HPS4: variants seen among roughly 807,000 people sequenced by gnomAD.
HPS4 encodes the protein HPS4 biogenesis of lysosomal organelles complex 3 subunit 2.
HPS4 carries 44 observed loss-of-function variants against 70.3 expected under a neutral mutation model. That is an observed-to-expected ratio of 0.63 (90% CI 0.49 to 0.80). The LOEUF is 0.80. Ranked by LOEUF, HPS4 falls within the 30% of genes least tolerant of loss-of-function variation. HPS4 has a pLI of 0.00. For synonymous variants in HPS4, 377 were observed against 355.9 expected (o/e 1.06, Z -0.67); for missense variants, 873 against 884.4 (o/e 0.99, Z 0.16).
chr22:26,457,828 G>A, intron 13 of HPS4, 31 bp downstream of exon 13: 2 of 1,540,822 alleles, frequency 1.3e-6, no homozygotes, highest in Middle Eastern at 1.7e-4. Context: ...ACCGTGGAGA[G>A]TAGGTTGGGG....
In HPS4 at chr22:26,470,815, T is replaced by A. The variant is rs1396012729; in HGVS notation, c.502-2A>T. The A allele has an allele frequency of 1.2e-6, 2 of 1,614,090 alleles. No homozygotes were observed. The highest frequency in any genetic ancestry group is 1.7e-6 in the Non-Finnish European group (2 of 1,180,014). Reference sequence around the variant, plus strand: ...CTTCAGCAACAACAGGGGCTCCACCTGTGCAGGGCAAGAGGCATCATGCCC... The same window carrying A: ...CTTCAGCAACAACAGGGGCTCCACCAGTGCAGGGCAAGAGGCATCATGCCC... On this transcript the variant is annotated splice_acceptor_variant, in intron 6 of 13. Transcript: ENST00000398145. LOFTEE classifies it high-confidence loss of function.
In HPS4 at chr22:26,453,180, G is replaced by C. The variant is rs1341436760; in HGVS notation, c.*53C>G. The C allele has an allele frequency of 2.6e-6, 4 of 1,567,256 alleles. No individual in the cohort carries two copies. In the Admixed American group the frequency reaches 6.7e-5, roughly 26 times the overall value. On this transcript the variant is annotated 3_prime_UTR_variant, in exon 14 of 14. Transcript: ENST00000398145. ...TAGAGGGGCCTTTTCAATTATAAAAGGCAGAGCTTCCTTTGCTGGTTTTCT... is the reference window on the plus strand; with the variant it reads ...TAGAGGGGCCTTTTCAATTATAAAACGCAGAGCTTCCTTTGCTGGTTTTCT...
chr22:26,460,597 T>C (rs2087050365), intron 11 of HPS4, among the ~76,000 whole-genome samples: 1 of 152,226 alleles, frequency 6.6e-6, no homozygotes, highest in African/African-American at 2.4e-5. Context: ...CAAAATCTTC[T>C]GCCTAACTTG....
chr22:26,478,973 C>T (rs1306313970), intron 3 of HPS4, among the ~76,000 whole-genome samples: 1 of 152,092 alleles, frequency 6.6e-6, no homozygotes, highest in Non-Finnish European at 1.5e-5. Context: ...CATAAACTAC[C>T]GTGCCCAGCA....
intron 3 of HPS4, among the ~76,000 whole-genome samples, chr22:26,445,290 C>T (rs202178347): frequency 4.1e-4 from 62 of 152,074 alleles, no homozygotes; most frequent in African/African-American, 1.2e-3. Flanking sequence ...GCCTAGGTCG[C>T]GCCAGTGCAC....
chr22:26,460,352 C>T (rs1433460711), intron 11 of HPS4, among the ~76,000 whole-genome samples: 1 of 152,260 alleles, frequency 6.6e-6, no homozygotes, highest in East Asian at 1.9e-4. Context: ...GCGTTTAACA[C>T]TGAGCCTCTT....
At chr22:26,473,770 A>G (rs2146841080) in intron 4 of HPS4, among the ~76,000 whole-genome samples, 1 of 152,328 alleles carries the variant, frequency 6.6e-6, no homozygotes. Flanking sequence ...GCTGAGTTAG[A>G]AAGTTATCTG....
intron 7 of HPS4, among the ~76,000 whole-genome samples, chr22:26,470,477 A>C (rs1258577776): frequency 6.6e-6 from 1 of 152,218 alleles, no homozygotes; most frequent in Admixed American, 6.5e-5. Context: ...CATACTGAGA[A>C]TTATAGGGAC....
At chr22:26,483,037 C>T (rs1367050476) in intron 1 of HPS4, among the ~76,000 whole-genome samples, 1 of 152,188 alleles carries the variant, frequency 6.6e-6, no homozygotes, top group Non-Finnish European at 1.5e-5. Flanking sequence ...GTACACAATA[C>T]AGTTTGTTAA....
intron 12 of HPS4, 42 bp downstream of exon 12, chr22:26,458,403 T>TCTGG: frequency 6.2e-7 from 1 of 1,612,798 alleles, no homozygotes; most frequent in South Asian, 1.1e-5. Flanking sequence ...CCATCTAGAA[T>TCTGG]CTGGCATCCC....
At chr22:26,482,700 C>T (rs2091411919) in intron 1 of HPS4, 1 of 152,156 alleles carries the variant, frequency 6.6e-6, no homozygotes, top group African/African-American at 2.4e-5. Context: ...GGAAGGAACC[C>T]TGGCATCGTT....
At chr22:26,470,862 C>A in intron 6 of HPS4, 49 bp from the exon 7 acceptor site, 1 of 1,610,952 alleles carries the variant, frequency 6.2e-7, no homozygotes, top group South Asian at 1.1e-5. Flanking sequence ...TGCTCACAAT[C>A]AGGAAGGGAG....
chr22:26,464,488 T>A lies in HPS4; in HGVS notation c.1142A>T (p.Glu381Val). The A allele has an allele frequency of 1.9e-6, 3 of 1,614,234 alleles. No homozygotes were observed. Among genetic ancestry groups the A allele is most frequent in the Non-Finnish European group, 2.5e-6 (3 of 1,180,040 alleles). ...GAAGGCAAAATGACCTGAGGCCATTTCCACTTCCTGAGCCTCTGGAATGTG... is the reference window on the plus strand; with the variant it reads ...GAAGGCAAAATGACCTGAGGCCATTACCACTTCCTGAGCCTCTGGAATGTG... ...EIHIPEAQEVEMASGHFAFLH... is the reference protein window; with the variant it reads ...EIHIPEAQEVVMASGHFAFLH... Residue 381 changes from glutamate to valine, a missense_variant, in exon 11 of 14, where the codon GAA becomes GTA. Glu to Val is a moderately radical substitution (Grantham distance 121, BLOSUM62 -2). Coordinates refer to ENST00000398145, the MANE Select transcript of HPS4 (RefSeq NM_022081.6).
chr22:26,469,699 A>T (rs2089446422), intron 7 of HPS4, among the ~76,000 whole-genome samples: 1 of 59,470 alleles, frequency 1.7e-5, no homozygotes. Context: ...AAAAAAAAAA[A>T]AAGAAAAAAA....
At chr22:26,473,300 G>A (rs1315859507) in intron 4 of HPS4, among the ~76,000 whole-genome samples, 1 of 152,094 alleles carries the variant, frequency 6.6e-6, no homozygotes, top group Non-Finnish European at 1.5e-5. Flanking sequence ...CTGTTATTTG[G>A]ACAGTAGATG....
At chr22:26,465,591 G>A (rs764127239) in intron 9 of HPS4, 40 bp from the exon 10 acceptor site, 4 of 1,526,626 alleles carry the variant, frequency 2.6e-6, no homozygotes, top group Non-Finnish European at 3.6e-6. Flanking sequence ...TTTCCCCTGA[G>A]CCAGAGAGGG....
At chr22:26,471,064 C>A in intron 6 of HPS4, 1 of 647,410 alleles carries the variant, frequency 1.5e-6, no homozygotes, top group South Asian at 1.8e-5. Flanking sequence ...GAAGGTGCAG[C>A]AAATATGGCA....
chr22:26,465,538 G>C lies in HPS4; in HGVS notation c.720C>G (p.Pro240=). The change falls in exon 10 of 14, where the codon CCC becomes CCG. Residue 240 remains proline, a synonymous_variant. Transcript: ENST00000398145. ...DAPQEHGAAL[P]PNVQIIPVFV... is the part of the protein sequence containing the mutation. ...AAACAGGGATAATCTGGACATTCGG[G>C]GGCAATGCCGCTCCTGGAATTGCAA... 6 of 1,613,944 alleles carry C rather than the reference G, an allele frequency of 3.7e-6. No individual in the cohort carries two copies. The highest frequency in any genetic ancestry group is 5.1e-6 in the Non-Finnish European group (6 of 1,179,876).
rs776644648 is a variant in HPS4, at chr22:26,457,934, C to T, written c.1880G>A (p.Arg627His). Residue 627 changes from arginine to histidine, a missense_variant, in exon 13 of 14, where the codon CGC becomes CAC. Arg to His is a conservative substitution (Grantham distance 29). Coordinates refer to ENST00000398145, the MANE Select transcript of HPS4 (RefSeq NM_022081.6). ...CAGGCTGACGGCCTGGAGGAAGCGG[C>T]GATCCTGCGGGGTGGCCACCTGCGG... ...NLPQVATPQD[R>H]RFLQAVSLMH... 9.3e-6 allele frequency: 15 copies of T among 1,614,046 alleles called. No individual in the cohort carries two copies. The highest frequency in any genetic ancestry group is 2.2e-5 in the East Asian group (1 of 44,882).
Sources: gnomAD v4.1 joint callset for allele counts (sites outside exome capture counted in the v4.1 genomes callset) on GRCh38, gnomAD v4.1.1 for gene constraint, MANE v1.5 for transcripts, NCBI Gene and HGNC (gene_info 2026-07-23, HGNC 2026-07-21) for gene names.